Variants in TMEM209 observed in about 807,000 individuals in gnomAD.
TMEM209 encodes the protein transmembrane protein 209, also known as testicular tissue protein Li 202.
TMEM209 carries 65 observed loss-of-function variants against 76.2 expected under a neutral mutation model. That is an observed-to-expected ratio of 0.85 (90% CI 0.70 to 1.05). The LOEUF (loss-of-function observed/expected upper bound fraction) is 1.05, where lower values mean the gene tolerates loss of function less well. Among genes scored for constraint, TMEM209 ranks in the 50% least tolerant of loss-of-function variants. The probability of loss-of-function intolerance (pLI) is 0.00; values close to 1 mark genes in which losing one functional copy is unlikely to be tolerated. For synonymous variants in TMEM209, 239 were observed against 237.6 expected (o/e 1.01, Z -0.06); for missense variants, 623 against 685.5 (o/e 0.91, Z 1.02).
Position 130,165,711 on chromosome 7 carries a change from A to C in TMEM209, c.*740T>G, listed in dbSNP as rs1584658799. 6.6e-6 allele frequency: 1 copy of C among 151,604 alleles called. No homozygotes were observed. Among genetic ancestry groups the C allele is most frequent in the South Asian group, 2.1e-4 (1 of 4,806 alleles). 9.4% of individuals were successfully genotyped at this position (151,604 alleles called of 1,614,324 possible). ...GCTGGGGAAACATTAAAAAAAAAAA[A>C]AAAAAAACTAAATCAGCAATTTTCT... On this transcript the variant is annotated 3_prime_UTR_variant, in exon 15 of 15. Transcript: ENST00000397622.
At chr7:130,175,336 G>C in intron 11 of TMEM209, 176 bp downstream of exon 11, 1 of 542,798 alleles carries the variant, frequency 1.8e-6, no homozygotes, top group Non-Finnish European at 3.2e-6. Context: ...GGTGGTTCAG[G>C]CCTAGTCCCA....
At chr7:130,176,590 G>A (rs1797244301) in intron 10 of TMEM209, among the ~76,000 whole-genome samples, 1 of 151,938 alleles carries the variant, frequency 6.6e-6, no homozygotes, top group Non-Finnish European at 1.5e-5. Context: ...AAGAGAAGGG[G>A]TTATGTAAAA....
chr7:130,189,780 T>C (rs2117008677), intron 6 of TMEM209, among the ~76,000 whole-genome samples: 1 of 152,358 alleles, frequency 6.6e-6, no homozygotes, highest in East Asian at 1.9e-4. Context: ...TGTGTGTGTG[T>C]ACATATATCT....
At chr7:130,200,758 T>C (rs1317979469) in intron 5 of TMEM209, among the ~76,000 whole-genome samples, 1 of 152,136 alleles carries the variant, frequency 6.6e-6, no homozygotes, top group Non-Finnish European at 1.5e-5. Context: ...TTGTACAAAA[T>C]TTTCAAAATT....
Position 130,204,113 on chromosome 7 carries a change from A to G in TMEM209, c.4-3T>C, listed in dbSNP as rs376707381. 32 of 1,597,688 alleles carry G rather than the reference A, an allele frequency of 2.0e-5. No individual in the cohort carries two copies. In the African/African-American group the frequency reaches 3.8e-4, roughly 19 times the overall value. ...CTAGGGTGTGCCTCCCCCTGCATCT[A>G]TGAAAAAACAAAAAGCACAGGAATT... is the stretch of plus-strand genomic sequence containing the variant. On this transcript the variant is annotated splice_region_variant and splice_polypyrimidine_tract_variant and intron_variant, in intron 1 of 14. Coordinates refer to ENST00000397622, the MANE Select transcript of TMEM209 (RefSeq NM_032842.4).
At chr7:130,190,805 TG>T (rs1489776419) in intron 6 of TMEM209, among the ~76,000 whole-genome samples, 2 of 152,008 alleles carry the variant, frequency 1.3e-5, no homozygotes, top group African/African-American at 2.4e-5. Flanking sequence ...GAGACCAGCC[TG>T]GGCAACATGG....
chr7:130,202,776 A>G, intron 3 of TMEM209, 113 bp from the exon 4 acceptor site: 1 of 1,210,472 alleles, frequency 8.3e-7, no homozygotes. Context: ...CCTCATAAAA[A>G]CTATAATTTA....
intron 6 of TMEM209, among the ~76,000 whole-genome samples, chr7:130,185,568 T>A (rs1797571048): frequency 6.6e-6 from 1 of 152,226 alleles, no homozygotes; most frequent in Non-Finnish European, 1.5e-5. Context: ...CTGAGCCATA[T>A]CAATTTAACA....
chr7:130,185,385 A>G lies in TMEM209; in HGVS notation c.776-18T>C, dbSNP rs1215428861. Reference sequence around the variant, plus strand: ...TGGGCTCCCTACAATTGTTAAGATAAACAGTATCAGTGTGTTGTAGCAATT... The same window carrying G: ...TGGGCTCCCTACAATTGTTAAGATAGACAGTATCAGTGTGTTGTAGCAATT... On this transcript the variant is annotated intron_variant, in intron 6 of 14. Transcript: ENST00000397622. 2 of 1,610,704 alleles carry G rather than the reference A, an allele frequency of 1.2e-6. No homozygotes were observed. The highest frequency in any genetic ancestry group is 2.2e-5 in the East Asian group (1 of 44,860).
At chr7:130,170,815 C>T (rs530912232) in intron 13 of TMEM209, among the ~76,000 whole-genome samples, 12 of 151,990 alleles carry the variant, frequency 7.9e-5, no homozygotes, top group Admixed American at 6.6e-4. Context: ...GACAGAATGC[C>T]TCCCTGAGGG....
At chr7:130,203,512 GGA>G (rs574490598) in intron 3 of TMEM209, among the ~76,000 whole-genome samples, 80 of 152,258 alleles carry the variant, frequency 5.3e-4, no homozygotes, top group African/African-American at 1.9e-3. Context: ...GCGCATTTCA[GGA>G]GAGTAATAAA....
At chr7:130,192,331 G>A in intron 6 of TMEM209, 1 of 365,624 alleles carries the variant, frequency 2.7e-6, no homozygotes. Flanking sequence ...ACTACGCACT[G>A]CTTCAAAACA....
At chr7:130,180,691 T>C (rs1248807291) in intron 9 of TMEM209, among the ~76,000 whole-genome samples, 1 of 152,158 alleles carries the variant, frequency 6.6e-6, no homozygotes, top group Non-Finnish European at 1.5e-5. Flanking sequence ...TCTAAGAAGA[T>C]ATACAAATGA....
chr7:130,182,932 G>C (rs1797472108), intron 8 of TMEM209, among the ~76,000 whole-genome samples: 1 of 152,156 alleles, frequency 6.6e-6, no homozygotes, highest in Admixed American at 6.5e-5. Context: ...TTTTTCTGCA[G>C]AAGTATTAAT....
At chr7:130,186,291 C>T (rs772444288) in intron 6 of TMEM209, among the ~76,000 whole-genome samples, 5 of 152,024 alleles carry the variant, frequency 3.3e-5, no homozygotes, top group East Asian at 1.9e-4. Flanking sequence ...CTTATGCTTA[C>T]GGGTACAAAG....
At chr7:130,169,242 A>G (rs958218710) in intron 14 of TMEM209, among the ~76,000 whole-genome samples, 1 of 151,722 alleles carries the variant, frequency 6.6e-6, no homozygotes, top group African/African-American at 2.4e-5. Context: ...TTGTTTACAC[A>G]TTTTTGTTCA....
chr7:130,189,752 T>C lies in TMEM209; in HGVS notation c.775+2870A>G, dbSNP rs775070495. On this transcript the variant is annotated intron_variant, in intron 6 of 14. Coordinates refer to ENST00000397622, the MANE Select transcript of TMEM209 (RefSeq NM_032842.4). Reference sequence around the variant, plus strand: ...ATAAACTCATGGTTTTTTAAAAACATAGAATAACACATATAGATGTGTGTG... The same window carrying C: ...ATAAACTCATGGTTTTTTAAAAACACAGAATAACACATATAGATGTGTGTG... 3.0e-4 allele frequency among the ~76,000 whole-genome samples: 45 copies of C among 152,188 alleles called. 1 individual carries two copies. The highest frequency in any genetic ancestry group is 8.8e-5 in the Non-Finnish European group (6 of 68,034).
At position 130,181,736 on chromosome 7, in the gene TMEM209, A is replaced by G; in HGVS notation, c.1024-17T>C. 3.8e-6 allele frequency: 6 copies of G among 1,585,644 alleles called. No homozygotes were observed. Among genetic ancestry groups the G allele is most frequent in the Non-Finnish European group, 5.2e-6 (6 of 1,162,920 alleles). ...ATTGATCCACTAGAAGAAATAAGGT[A>G]CAGATTTTGGATACATAATTCCCAA... On this transcript the variant is annotated splice_polypyrimidine_tract_variant and intron_variant, in intron 8 of 14. Transcript: ENST00000397622.
At chr7:130,196,130 T>C (rs1450497384) in intron 5 of TMEM209, among the ~76,000 whole-genome samples, 3 of 152,294 alleles carry the variant, frequency 2.0e-5, no homozygotes, top group Non-Finnish European at 4.4e-5. Context: ...GTTTACTATA[T>C]TAAAACTGGT....
Sources: gnomAD v4.1 joint callset for allele counts (sites outside exome capture counted in the v4.1 genomes callset) on GRCh38, gnomAD v4.1.1 for gene constraint, MANE v1.5 for transcripts, NCBI Gene and HGNC (gene_info 2026-07-23, HGNC 2026-07-21) for gene names.